Variants in OR56A1 observed in about 807,000 individuals in gnomAD.
The protein encoded by OR56A1 is olfactory receptor family 56 subfamily A member 1.
For missense variants in OR56A1, 360 were observed against 380.9 expected (o/e 0.94, Z 0.46); for synonymous variants, 174 against 159.1 (o/e 1.09, Z -0.70).
chr11:6,026,959 C>A lies in OR56A1; in HGVS notation c.734G>T (p.Gly245Val). 6.2e-7 allele frequency: 1 copy of A among 1,614,066 alleles called. No homozygotes were observed. ...GAAAAGAATGAGGATGAAGTGGGAG[C>A]CACATGTGCTCAGGGCCTTCACTGC... is the stretch of plus-strand genomic sequence containing the variant. ...GAAVKALSTC[G>V]SHFILILFFS... The change falls in exon 2 of 2, where the codon GGC becomes GTC. Residue 245 changes from glycine to valine, a missense_variant. Physicochemically the swap from Gly to Val is moderately radical, Grantham distance 109 (BLOSUM62 -3). Transcript: ENST00000641900.
chr11:6,027,335 C>T lies in OR56A1; in HGVS notation c.358G>A (p.Val120Ile), dbSNP rs531071507. ...GCCACATAACGGTCATAGGCCATGACCATAAACGTGCAGGACTCCATGGGG... is the reference window on the plus strand; with the variant it reads ...GCCACATAACGGTCATAGGCCATGATCATAAACGTGCAGGACTCCATGGGG... ...FLPMESCTFMVMAYDRYVAIC... is the reference protein window; with the variant it reads ...FLPMESCTFMIMAYDRYVAIC... Residue 120 changes from valine to isoleucine, a missense_variant, in exon 2 of 2, where the codon GTC becomes ATC. Physicochemically the swap from Val to Ile is conservative, Grantham distance 29. Transcript: ENST00000641900. The T allele has an allele frequency of 1.9e-6, 3 of 1,614,004 alleles. No homozygotes were observed. The African/African-American group carries it at 4.0e-5, about 22-fold the overall frequency.
At chr11:6,030,240 T>A (rs1417315962) in intron 1 of OR56A1, among the ~76,000 whole-genome samples, 2 of 152,160 alleles carry the variant, frequency 1.3e-5, no homozygotes, top group African/African-American at 4.8e-5. Context: ...ATTCTCTACA[T>A]TGAAATCAAG....
At chr11:6,028,288 C>T (rs1730362198) in intron 1 of OR56A1, among the ~76,000 whole-genome samples, 4 of 150,928 alleles carry the variant, frequency 2.7e-5, no homozygotes, top group Admixed American at 2.0e-4. Context: ...CCTAGTGCTC[C>T]TGGAATAAAA....
chr11:6,029,532 C>A (rs1437620924), intron 1 of OR56A1, among the ~76,000 whole-genome samples: 1 of 152,118 alleles, frequency 6.6e-6, no homozygotes, highest in Non-Finnish European at 1.5e-5. Context: ...CTTCCATCTC[C>A]ATTAGTTCCA....
At chr11:6,032,330 T>C (rs1848520634), upstream of OR56A1, among the ~76,000 whole-genome samples, 1 of 152,168 alleles carries the variant, frequency 6.6e-6, no homozygotes, top group African/African-American at 2.4e-5. Flanking sequence ...GCTACTTCAC[T>C]GAGGAAGCCA....
At chr11:6,029,204 T>C (rs1848489265) in intron 1 of OR56A1, among the ~76,000 whole-genome samples, 1 of 152,162 alleles carries the variant, frequency 6.6e-6, no homozygotes. Flanking sequence ...ATTCAGGTGA[T>C]GGATACCCTA....
upstream of OR56A1, among the ~76,000 whole-genome samples, chr11:6,031,408 T>C (rs569063448): frequency 1.7e-4 from 26 of 152,262 alleles, no homozygotes; most frequent in Non-Finnish European, 3.7e-4. Flanking sequence ...AAGATCACTC[T>C]GGACACATTA....
chr11:6,024,633 A>C lies in OR56A1; in HGVS notation c.*2115T>G, dbSNP rs1848429255. The C allele has an allele frequency of 6.6e-6, 1 of 152,214 alleles. No individual in the cohort carries two copies. 9.4% of individuals were successfully genotyped at this position (152,214 alleles called of 1,614,324 possible). A position where few individuals can be genotyped will look rare whatever the true frequency, so the allele number is the denominator to read the frequency against. On this transcript the variant is annotated 3_prime_UTR_variant, in exon 2 of 2. Transcript: ENST00000641900. Reference sequence around the variant, plus strand: ...GTATAGAAGGCTCTTATGAAAATTAAATATTATTATTCATAGACATTGGTA... The same window carrying C: ...GTATAGAAGGCTCTTATGAAAATTACATATTATTATTCATAGACATTGGTA...
intron 1 of OR56A1, among the ~76,000 whole-genome samples, chr11:6,029,142 G>A (rs368955938): frequency 3.3e-5 from 5 of 152,080 alleles, no homozygotes; most frequent in Non-Finnish European, 5.9e-5. Flanking sequence ...AGGGTGAGGC[G>A]GGTGAGAGGG....
In OR56A1 at chr11:6,019,631, C is replaced by A. The variant is rs958173401; in HGVS notation, c.*7117G>T. On this transcript the variant is annotated 3_prime_UTR_variant, in exon 2 of 2. Transcript: ENST00000641900. ...CATCAGATCTTATGAGATTCATTCA[C>A]TATCATGAGAATTATGGGTGCAGGA... is the stretch of plus-strand genomic sequence containing the variant. 1 of 152,016 alleles carries A rather than the reference C, an allele frequency of 6.6e-6. No individual in the cohort carries two copies. Among genetic ancestry groups the A allele is most frequent in the Non-Finnish European group, 1.5e-5 (1 of 67,962 alleles). The allele number at this position is 152,016 out of a possible 1,614,324, so 9.4% of individuals were successfully genotyped here.
In OR56A1 at chr11:6,021,581, G is replaced by C. The variant is rs568748628; in HGVS notation, c.*5167C>G. 3.3e-5 allele frequency: 5 copies of C among 152,088 alleles called. No individual in the cohort carries two copies. In the East Asian group the frequency reaches 9.6e-4, roughly 29 times the overall value. The allele number at this position is 152,088 out of a possible 1,614,324, so 9.4% of individuals were successfully genotyped here. ...TACTGATACTAATATTTTATAAGTA[G>C]AAAGTAGGTTCAAATGCAGTGTCAC... On this transcript the variant is annotated 3_prime_UTR_variant, in exon 2 of 2. Transcript: ENST00000641900.
chr11:6,029,938 A>G (rs1488527578), intron 1 of OR56A1, among the ~76,000 whole-genome samples: 1 of 152,180 alleles, frequency 6.6e-6, no homozygotes, highest in Non-Finnish European at 1.5e-5. Flanking sequence ...AGATATTCAA[A>G]GCTCACCAAG....
At position 6,022,325 on chromosome 11, in the gene OR56A1, C is replaced by T. The variant is rs1848405336; in HGVS notation, c.*4423G>A. 6.6e-6 allele frequency: 1 copy of T among 151,982 alleles called. No homozygotes were observed. The highest frequency in any genetic ancestry group is 2.1e-4 in the South Asian group (1 of 4,816). 9.4% of individuals were successfully genotyped at this position (151,982 alleles called of 1,614,324 possible). A position where few individuals can be genotyped will look rare whatever the true frequency, so the allele number is the denominator to read the frequency against. ...CTAAGAGCCCAGAACATGGAGGATC[C>T]ACATAATAAAAAAAGCATGGGTCCC... On this transcript the variant is annotated 3_prime_UTR_variant, in exon 2 of 2. Transcript: ENST00000641900.
At position 6,027,178 on chromosome 11, in the gene OR56A1, C is replaced by T. The variant is rs151331727; in HGVS notation, c.515G>A (p.Cys172Tyr). ...IPILTSLLHYCGENVIENCIC... is the reference protein window; with the variant it reads ...IPILTSLLHYYGENVIENCIC... ...GCAGTTCTCAATGACATTTTCCCCACAGTAATGGAGCAGGGAAGTGAGGAT... is the reference window on the plus strand; with the variant it reads ...GCAGTTCTCAATGACATTTTCCCCATAGTAATGGAGCAGGGAAGTGAGGAT... The change falls in exon 2 of 2, where the codon TGT becomes TAT. Residue 172 changes from cysteine (C) to tyrosine (Y), a missense_variant. Cys to Tyr is a radical substitution (Grantham distance 194). Transcript: ENST00000641900. 1.5e-5 allele frequency: 25 copies of T among 1,614,050 alleles called. No homozygotes were observed. Among genetic ancestry groups the T allele is most frequent in the African/African-American group, 4.0e-5 (3 of 74,920 alleles).
At chr11:6,030,525 G>A (rs1220532216) in intron 1 of OR56A1, among the ~76,000 whole-genome samples, 177 bp downstream of exon 1, 1 of 152,062 alleles carries the variant, frequency 6.6e-6, no homozygotes, top group Non-Finnish European at 1.5e-5. Flanking sequence ...AGGAAAGCAG[G>A]CAATGCCATA....
chr11:6,027,077 C>A lies in OR56A1; in HGVS notation c.616G>T (p.Gly206Cys), dbSNP rs375608598. 3.0e-5 allele frequency: 48 copies of A among 1,614,078 alleles called. No homozygotes were observed. Among genetic ancestry groups the A allele is most frequent in the African/African-American group, 4.0e-5 (3 of 74,936 alleles). ...AAATCTGAGCCCAGCAAGGTCCAAC[C>A]AGCCACAAATTGGTAGATTCTGTTA... ...TLNRIYQFVA[G>C]WTLLGSDLFL... Residue 206 changes from glycine to cysteine, a missense_variant, in exon 2 of 2, where the codon GGT (glycine) becomes TGT (cysteine). By Grantham distance (159) the Gly-to-Cys change is radical (BLOSUM62 -3). Transcript: ENST00000641900.
chr11:6,028,300 TGA>T (rs1564816794), intron 1 of OR56A1, among the ~76,000 whole-genome samples: 2 of 140,662 alleles, frequency 1.4e-5, no homozygotes, highest in Non-Finnish European at 3.1e-5. Flanking sequence ...GGAATAAAAC[TGA>T]AAAAAAAAAA....
Position 6,027,275 on chromosome 11 carries a change from T to C in OR56A1, c.418A>G (p.Thr140Ala), listed in dbSNP as rs1199418569. 6.2e-7 allele frequency: 1 copy of C among 1,614,062 alleles called. No individual in the cohort carries two copies. Residue 140 changes from threonine to alanine, a missense_variant, in exon 2 of 2, where the codon ACT (threonine) becomes GCT (alanine). Transcript: ENST00000641900. ...CHPLRYPSII[T>A]NQFVAKASVF... ...CTAGCTTTGGCCACAAATTGATTAG[T>C]GATGATGGATGGGTACCGCAGTGGG...
rs1284623246 is a variant in OR56A1 at position 6,027,087 on chromosome 11, T to C, written c.606A>G (p.Gln202=). ...CDNFTLNRIY[Q]FVAGWTLLGS... is the part of the protein sequence containing the mutation. ...CCAGCAAGGTCCAACCAGCCACAAA[T>C]TGGTAGATTCTGTTAAGGGTGAAAT... The change falls in exon 2 of 2, where the codon CAA becomes CAG. Residue 202 remains glutamine, a synonymous_variant. Coordinates refer to ENST00000641900, the MANE Select transcript of OR56A1 (RefSeq NM_001388488.1). 1.2e-6 allele frequency: 2 copies of C among 1,614,116 alleles called. No homozygotes were observed. The highest frequency in any genetic ancestry group is 2.2e-5 in the East Asian group (1 of 44,882).
Sources: allele counts gnomAD v4.1 joint callset (sites outside exome capture counted in the v4.1 genomes callset), GRCh38; gene constraint gnomAD v4.1.1; transcripts MANE v1.5; gene names NCBI Gene and HGNC (gene_info 2026-07-23, HGNC 2026-07-21).